The following LRMDA variants were observed in gnomAD, a reference collection of about 807,000 sequenced individuals.
The protein encoded by LRMDA is leucine-rich melanocyte differentiation-associated protein.
Under a neutral mutation model 29.8 loss-of-function variants are expected in LRMDA, and 18 were observed. The ratio of observed to expected loss-of-function variants is 0.60; its 90% CI spans 0.42 to 0.90. LRMDA has a LOEUF of 0.90. Ranked by LOEUF, LRMDA falls within the 40% of genes least tolerant of loss-of-function variation. The pLI, the probability that LRMDA is intolerant of heterozygous loss-of-function variation, is 0.00. For missense variants in LRMDA, 273 were observed against 273.9 expected (o/e 1.00, Z 0.02); for synonymous variants, 125 against 109.4 (o/e 1.14, Z -0.89).
At chr10:75,597,675 G>A (rs1589197707) in intron 2 of LRMDA, among the ~76,000 whole-genome samples, 2 of 152,178 alleles carry the variant, frequency 1.3e-5, no homozygotes, top group South Asian at 4.1e-4. Flanking sequence ...TAAATAAGAC[G>A]ATTGGTAGCC....
intron 2 of LRMDA, among the ~76,000 whole-genome samples, chr10:75,785,458 G>A (rs1564567260): frequency 1.3e-5 from 2 of 152,230 alleles, no homozygotes; most frequent in African/African-American, 4.8e-5. Flanking sequence ...CGACTGTGAA[G>A]CTGTCCTCCT....
intron 2 of LRMDA, among the ~76,000 whole-genome samples, chr10:75,733,899 T>C (rs1349452465): frequency 6.6e-6 from 1 of 152,102 alleles, no homozygotes; most frequent in African/African-American, 2.4e-5. Flanking sequence ...CTAAAGGAGG[T>C]GAAGAAATGG....
At chr10:76,268,515 G>T (rs930303315) in intron 5 of LRMDA, among the ~76,000 whole-genome samples, 2 of 152,144 alleles carry the variant, frequency 1.3e-5, no homozygotes, top group African/African-American at 4.8e-5. Context: ...TCGATCTGAT[G>T]TAACTCTTAA....
intron 5 of LRMDA, among the ~76,000 whole-genome samples, chr10:76,169,668 T>G (rs898844680): frequency 6.6e-6 from 1 of 152,176 alleles, no homozygotes; most frequent in African/African-American, 2.4e-5. Context: ...ACAGTCAGAA[T>G]ATTTTCTGGT....
intron 5 of LRMDA, among the ~76,000 whole-genome samples, chr10:76,096,337 A>T (rs147418654): frequency 6.6e-6 from 1 of 151,940 alleles, no homozygotes; most frequent in Non-Finnish European, 1.5e-5. Context: ...GTTTTTTTGT[A>T]TACAGATATT....
intron 2 of LRMDA, among the ~76,000 whole-genome samples, chr10:75,532,126 A>G (rs1845484965): frequency 6.6e-6 from 1 of 151,664 alleles, no homozygotes; most frequent in African/African-American, 2.4e-5. Flanking sequence ...ATTTTCTTAA[A>G]GGAAACCAGT....
intron 5 of LRMDA, among the ~76,000 whole-genome samples, chr10:76,192,886 T>C (rs1273197793): frequency 1.3e-5 from 2 of 152,216 alleles, no homozygotes; most frequent in East Asian, 3.8e-4. Flanking sequence ...TGAAGTTAAA[T>C]TGAAGGCCTG....
chr10:75,505,291 G>C (rs1845157904), intron 2 of LRMDA, among the ~76,000 whole-genome samples: 1 of 152,134 alleles, frequency 6.6e-6, no homozygotes, highest in Admixed American at 6.5e-5. Flanking sequence ...GCCATCTCTA[G>C]ACCATTGTCC....
intron 2 of LRMDA, among the ~76,000 whole-genome samples, chr10:75,851,926 G>A (rs550473048): frequency 6.6e-6 from 1 of 152,306 alleles, no homozygotes; most frequent in East Asian, 1.9e-4. Flanking sequence ...TTCAGGAAAC[G>A]AAGAAGGTCC....
At chr10:76,208,604 C>T (rs1004889619) in intron 5 of LRMDA, among the ~76,000 whole-genome samples, 6 of 152,300 alleles carry the variant, frequency 3.9e-5, no homozygotes, top group African/African-American at 9.6e-5. Flanking sequence ...AGACTCAATG[C>T]GGGGAAACCA....
At chr10:76,545,915 G>A (rs1328816799) in intron 6 of LRMDA, among the ~76,000 whole-genome samples, 3 of 151,988 alleles carry the variant, frequency 2.0e-5, no homozygotes, top group East Asian at 1.9e-4. Context: ...CCTCAGCATC[G>A]GCATCACCTG....
intron 6 of LRMDA, among the ~76,000 whole-genome samples, chr10:76,386,470 C>CT (rs1398194837): frequency 6.6e-6 from 1 of 152,050 alleles, no homozygotes; most frequent in Admixed American, 6.6e-5. Flanking sequence ...AAGTTGATGC[C>CT]TTTGCATTGG....
At chr10:76,091,342 A>C (rs914218062) in intron 5 of LRMDA, among the ~76,000 whole-genome samples, 1 of 151,498 alleles carries the variant, frequency 6.6e-6, no homozygotes, top group African/African-American at 2.4e-5. Context: ...CTTTGTATAC[A>C]TGGTAAGTTA....
At chr10:75,968,219 T>G (rs1453926188) in intron 2 of LRMDA, among the ~76,000 whole-genome samples, 1 of 151,992 alleles carries the variant, frequency 6.6e-6, no homozygotes. Context: ...TGAGCCCCAC[T>G]AGAGCTGTAA....
chr10:76,021,866 A>G (rs12261217), intron 2 of LRMDA, among the ~76,000 whole-genome samples: 52,454 of 152,100 alleles, frequency 0.34, 10,113 homozygotes, highest in Non-Finnish European at 0.43. Context: ...ATGTATACCT[A>G]CAGAGGCAGG....
At chr10:76,379,435 A>G (rs769816120) in intron 6 of LRMDA, among the ~76,000 whole-genome samples, 4 of 150,806 alleles carry the variant, frequency 2.7e-5, no homozygotes, top group Non-Finnish European at 5.9e-5. Context: ...CAGGGTTTCT[A>G]TTTTTTCCTG....
chr10:75,539,290 T>C (rs993851698), intron 2 of LRMDA, among the ~76,000 whole-genome samples: 6 of 152,188 alleles, frequency 3.9e-5, no homozygotes, highest in Admixed American at 3.3e-4. Flanking sequence ...TTTATGTAAA[T>C]AGAGATTGAT....
intron 5 of LRMDA, among the ~76,000 whole-genome samples, chr10:76,169,166 AT>A (rs1164481346): frequency 6.6e-6 from 1 of 152,192 alleles, no homozygotes; most frequent in Non-Finnish European, 1.5e-5. Flanking sequence ...AGGCACAGCA[AT>A]TAGATTGAAT....
chr10:75,824,005 G>C (rs1438508906), intron 2 of LRMDA, among the ~76,000 whole-genome samples: 3 of 152,010 alleles, frequency 2.0e-5, no homozygotes, highest in Non-Finnish European at 4.4e-5. Flanking sequence ...GGAGGATTTC[G>C]GGAGAAGGAT....
Sources: allele counts gnomAD v4.1 joint callset (sites outside exome capture counted in the v4.1 genomes callset), GRCh38; gene constraint gnomAD v4.1.1; transcripts MANE v1.5; gene names NCBI Gene and HGNC (gene_info 2026-07-23, HGNC 2026-07-21).